The following BRINP3 variants were observed in gnomAD, a reference collection of about 807,000 sequenced individuals.
The protein encoded by BRINP3 is BMP/retinoic acid inducible neural specific 3.
In BRINP3, 19 loss-of-function variants were observed where a neutral mutation model predicts 71.0. The observed-to-expected ratio is 0.27, with a 90% confidence interval of 0.19 to 0.39. BRINP3 has a LOEUF of 0.39. Among genes scored for constraint, BRINP3 ranks in the 10% least tolerant of loss-of-function variants. The pLI, the probability that BRINP3 is intolerant of heterozygous loss-of-function variation, is 1.00. For synonymous variants in BRINP3, 380 were observed against 337.7 expected (o/e 1.13, Z -1.37); for missense variants, 959 against 940.8 (o/e 1.02, Z -0.25).
intron 1 of BRINP3, among the ~76,000 whole-genome samples, chr1:190,474,977 G>T (rs1677407195): frequency 6.6e-6 from 1 of 151,624 alleles, no homozygotes; most frequent in African/African-American, 2.4e-5. Context: ...ACTTTAAAGT[G>T]GGTATAATAT....
intron 2 of BRINP3, among the ~76,000 whole-genome samples, chr1:190,441,418 G>A (rs928668135): frequency 2.0e-5 from 3 of 151,954 alleles, no homozygotes; most frequent in South Asian, 2.1e-4. Flanking sequence ...AGCAAAATGT[G>A]CTAAAAGAAA....
chr1:190,411,188 C>T (rs548563212), intron 2 of BRINP3, among the ~76,000 whole-genome samples: 23 of 151,860 alleles, frequency 1.5e-4, no homozygotes, highest in African/African-American at 5.3e-4. Context: ...AGGTGGTACC[C>T]GGAAGCAACA....
chr1:190,476,408 C>G (rs543506673), intron 1 of BRINP3, among the ~76,000 whole-genome samples: 2 of 152,116 alleles, frequency 1.3e-5, no homozygotes, highest in East Asian at 1.9e-4. Flanking sequence ...TAAAAATTAC[C>G]GATACATGCA....
intron 7 of BRINP3, among the ~76,000 whole-genome samples, chr1:190,152,633 T>A (rs2102427667): frequency 6.8e-6 from 1 of 146,300 alleles, no homozygotes; most frequent in Non-Finnish European, 1.5e-5. Flanking sequence ...AGTCTGGACA[T>A]CTTTCCTGTG....
Position 190,226,214 on chromosome 1 carries a change from C to A in BRINP3, c.829G>T (p.Asp277Tyr). The A allele has an allele frequency of 1.2e-6, 2 of 1,612,674 alleles. No individual in the cohort carries two copies. The change falls in exon 6 of 8, where the codon GAC becomes TAC. Residue 277 changes from aspartate to tyrosine, a missense_variant. By Grantham distance (160) the Asp-to-Tyr change is radical. Transcript: ENST00000367462. Reference sequence around the variant, plus strand: ...TTGGGACCACAGTGACACCAGCAGTCATTTTCCTTGCAGATAAACTCTCCC... The same window carrying A: ...TTGGGACCACAGTGACACCAGCAGTAATTTTCCTTGCAGATAAACTCTCCC... ...SEGEFICKEN[D>Y]CWCHCGPKFP... is the part of the protein sequence containing the mutation.
chr1:190,267,654 C>T (rs896142292), intron 3 of BRINP3, among the ~76,000 whole-genome samples: 1 of 151,930 alleles, frequency 6.6e-6, no homozygotes, highest in African/African-American at 2.4e-5. Flanking sequence ...GGAGAAAAAA[C>T]ACCGATTAGT....
chr1:190,363,663 G>C (rs1669298856), intron 2 of BRINP3, among the ~76,000 whole-genome samples: 1 of 152,128 alleles, frequency 6.6e-6, no homozygotes, highest in Non-Finnish European at 1.5e-5. Flanking sequence ...CGACAATGTT[G>C]CTATTGATCA....
At chr1:190,375,126 A>G (rs1571893509) in intron 2 of BRINP3, among the ~76,000 whole-genome samples, 1 of 152,008 alleles carries the variant, frequency 6.6e-6, no homozygotes, top group Non-Finnish European at 1.5e-5. Flanking sequence ...TATTTTTTGT[A>G]GTAATTTGGG....
chr1:190,163,976 A>G (rs1651251669), intron 6 of BRINP3, among the ~76,000 whole-genome samples: 1 of 152,140 alleles, frequency 6.6e-6, no homozygotes, highest in African/African-American at 2.4e-5. Context: ...CTGTTAGCAA[A>G]AAGTTTTATT....
intron 2 of BRINP3, among the ~76,000 whole-genome samples, chr1:190,399,370 C>T (rs1189914572): frequency 1.3e-5 from 2 of 151,740 alleles, no homozygotes; most frequent in African/African-American, 2.4e-5. Flanking sequence ...AGAAAATCTA[C>T]CCAGGGGAGC....
At chr1:190,314,039 T>C (rs1446558522) in intron 2 of BRINP3, among the ~76,000 whole-genome samples, 1 of 152,180 alleles carries the variant, frequency 6.6e-6, no homozygotes, top group African/African-American at 2.4e-5. Flanking sequence ...AAGGGCTTTG[T>C]ATTTTTTCGC....
chr1:190,424,041 G>A (rs1166023862), intron 2 of BRINP3, among the ~76,000 whole-genome samples: 1 of 150,254 alleles, frequency 6.7e-6, no homozygotes, highest in Non-Finnish European at 1.5e-5. Context: ...TTTTTTTGTT[G>A]GTATATATGT....
intron 2 of BRINP3, among the ~76,000 whole-genome samples, chr1:190,389,754 C>A (rs1671133970): frequency 6.6e-6 from 1 of 151,778 alleles, no homozygotes; most frequent in African/African-American, 2.4e-5. Flanking sequence ...CGGAAACAAA[C>A]CAACTGACCA....
chr1:190,245,608 C>CT (rs1011820457), intron 4 of BRINP3, among the ~76,000 whole-genome samples: 3 of 150,710 alleles, frequency 2.0e-5, no homozygotes, highest in African/African-American at 7.3e-5. Context: ...ATTTTTTTTT[C>CT]TTTTTTTATT....
intron 2 of BRINP3, among the ~76,000 whole-genome samples, chr1:190,363,670 A>G (rs1169401272): frequency 6.6e-6 from 1 of 152,160 alleles, no homozygotes; most frequent in Non-Finnish European, 1.5e-5. Flanking sequence ...GTTGCTATTG[A>G]TCATGTAAGA....
chr1:190,211,240 TGG>T (rs1423353545), intron 6 of BRINP3, among the ~76,000 whole-genome samples: 9 of 152,136 alleles, frequency 5.9e-5, no homozygotes, highest in African/African-American at 1.7e-4. Context: ...CACTCCATCC[TGG>T]GTGACAGAGC....
chr1:190,122,033 A>G (rs954157781), intron 7 of BRINP3, among the ~76,000 whole-genome samples: 1 of 152,218 alleles, frequency 6.6e-6, no homozygotes, highest in Admixed American at 6.6e-5. Context: ...CAAGGGTAGT[A>G]GCAGTGAAGT....
intron 7 of BRINP3, among the ~76,000 whole-genome samples, chr1:190,109,723 C>G (rs1652503184): frequency 6.6e-6 from 1 of 152,242 alleles, no homozygotes; most frequent in Non-Finnish European, 1.5e-5. Flanking sequence ...CATTCATACT[C>G]TCTTCTGGAG....
rs143756071 is a variant in BRINP3, at chr1:190,127,271, A to G, written c.1185-28137T>C. Among the ~76,000 whole-genome samples, 56 of 151,964 alleles carry G rather than the reference A, an allele frequency of 3.7e-4. No individual in the cohort carries two copies. In the East Asian group the frequency reaches 9.7e-3, roughly 26 times the overall value. On this transcript the variant is annotated intron_variant, in intron 7 of 7. Transcript: ENST00000367462. ...GAAACTGCACGTTAATACATCCTTT[A>G]TTAATCTGCCTAAGTGAGAAACACC...
Sources: gnomAD v4.1 joint callset for allele counts (sites outside exome capture counted in the v4.1 genomes callset) on GRCh38, gnomAD v4.1.1 for gene constraint, MANE v1.5 for transcripts, NCBI Gene and HGNC (gene_info 2026-07-23, HGNC 2026-07-21) for gene names.